Variants in CSMD1 observed in about 807,000 individuals in gnomAD.
The protein encoded by CSMD1 is CUB and Sushi multiple domains 1.
A neutral mutation model predicts 417.5 loss-of-function variants in CSMD1; 213 were observed. The ratio of observed to expected loss-of-function variants is 0.51; its 90% confidence interval spans 0.46 to 0.57. The LOEUF is 0.57. Ranked by LOEUF, CSMD1 falls within the 20% of genes least tolerant of loss-of-function variation. CSMD1 has a pLI of 0.00. For missense variants in CSMD1, 6,923 were observed against 4,529.7 expected (o/e 1.53, Z -15.17); for synonymous variants, 2,862 against 1,736.8 (o/e 1.65, Z -16.11).
At chr8:3,937,473 C>A (rs1006042554) in intron 5 of CSMD1, among the ~76,000 whole-genome samples, 7 of 152,090 alleles carry the variant, frequency 4.6e-5, no homozygotes, top group Admixed American at 1.3e-4. Context: ...TGACGAAAGA[C>A]CTTCCACCAG....
At chr8:3,398,718 CT>C (rs1428462971) in intron 16 of CSMD1, among the ~76,000 whole-genome samples, 2 of 152,072 alleles carry the variant, frequency 1.3e-5, no homozygotes, top group Admixed American at 6.5e-5. Context: ...ATGACAAAAT[CT>C]TTTTAGTTTT....
intron 2 of CSMD1, among the ~76,000 whole-genome samples, chr8:4,633,733 TAC>T (rs1244617294): frequency 6.6e-6 from 1 of 152,098 alleles, no homozygotes; most frequent in Non-Finnish European, 1.5e-5. Context: ...ATTTTTTTTG[TAC>T]TTTTAGTGGA....
intron 1 of CSMD1, among the ~76,000 whole-genome samples, chr8:4,881,312 T>G (rs1415204992): frequency 1.3e-5 from 2 of 152,084 alleles, no homozygotes; most frequent in Non-Finnish European, 2.9e-5. Flanking sequence ...ACAATGCATT[T>G]TTTTATTTGA....
At chr8:3,709,893 A>G (rs7845193) in intron 6 of CSMD1, among the ~76,000 whole-genome samples, 83,970 of 149,016 alleles carry the variant, frequency 0.56, 23,739 homozygotes, top group Admixed American at 0.63. Flanking sequence ...GGAGATTCAT[A>G]TAGATATGAA....
chr8:4,704,404 CT>C (rs1189500486), intron 1 of CSMD1, among the ~76,000 whole-genome samples: 3 of 152,136 alleles, frequency 2.0e-5, no homozygotes, highest in Non-Finnish European at 2.9e-5. Context: ...ATTTACTTAT[CT>C]ATTGTTTATG....
intron 5 of CSMD1, among the ~76,000 whole-genome samples, chr8:3,784,022 C>T (rs1255225491): frequency 6.6e-6 from 1 of 152,182 alleles, no homozygotes; most frequent in Non-Finnish European, 1.5e-5. Context: ...TGTTTATCAT[C>T]GTACAACATG....
intron 3 of CSMD1, among the ~76,000 whole-genome samples, chr8:4,355,104 G>C (rs909930333): frequency 6.6e-6 from 1 of 151,604 alleles, no homozygotes; most frequent in Non-Finnish European, 1.5e-5. Context: ...CTACTAAAAA[G>C]ACAAAAAATT....
intron 3 of CSMD1, among the ~76,000 whole-genome samples, chr8:4,076,948 G>C (rs543418868): frequency 6.6e-6 from 1 of 151,954 alleles, no homozygotes; most frequent in African/African-American, 2.4e-5. Flanking sequence ...TCTTACACAA[G>C]GATAACACTT....
intron 1 of CSMD1, among the ~76,000 whole-genome samples, chr8:4,687,117 C>T (rs531365974): frequency 6.6e-6 from 1 of 152,330 alleles, no homozygotes; most frequent in South Asian, 2.1e-4. Context: ...TAAAAGCTGC[C>T]ATAGCACACA....
At chr8:3,848,888 T>C (rs34633600) in intron 5 of CSMD1, among the ~76,000 whole-genome samples, 65,579 of 151,048 alleles carry the variant, frequency 0.43, 15,500 homozygotes, top group African/African-American at 0.64. Flanking sequence ...TAAAGAGTGA[T>C]ATAAAGAAGA....
chr8:4,468,669 C>G (rs1585127784), intron 2 of CSMD1, among the ~76,000 whole-genome samples: 1 of 152,096 alleles, frequency 6.6e-6, no homozygotes, highest in African/African-American at 2.4e-5. Flanking sequence ...AGATCTCCTC[C>G]CCTGGACTGT....
intron 49 of CSMD1, among the ~76,000 whole-genome samples, chr8:3,056,948 C>G (rs1284099463): frequency 6.6e-6 from 1 of 151,886 alleles, no homozygotes; most frequent in Non-Finnish European, 1.5e-5. Flanking sequence ...AATATTAGTG[C>G]CTGCCATTTG....
intron 4 of CSMD1, among the ~76,000 whole-genome samples, chr8:4,007,844 TAGA>T (rs1029770060): frequency 6.6e-6 from 1 of 152,138 alleles, no homozygotes; most frequent in African/African-American, 2.4e-5. Context: ...TCTCTAAGAA[TAGA>T]AGAAGAAAAG....
chr8:3,712,396 GAGAGACAGAC>G (rs780376131), intron 6 of CSMD1, among the ~76,000 whole-genome samples: 193 of 63,976 alleles, frequency 3.0e-3, no homozygotes, highest in East Asian at 0.017. Context: ...GAGAGAGAGA[GAGAGACAGAC>G]AGACAGACAG....
chr8:4,519,273 T>C (rs1236456334), intron 2 of CSMD1, among the ~76,000 whole-genome samples: 1 of 152,056 alleles, frequency 6.6e-6, no homozygotes, highest in African/African-American at 2.4e-5. Context: ...TTATATGGAA[T>C]CTATAAAATA....
chr8:4,182,527 C>T (rs1798436260), intron 3 of CSMD1, among the ~76,000 whole-genome samples: 1 of 152,092 alleles, frequency 6.6e-6, no homozygotes, highest in Non-Finnish European at 1.5e-5. Flanking sequence ...GCTATATATG[C>T]TCAATCGATA....
chr8:3,649,321 T>C (rs1201070471), intron 7 of CSMD1, among the ~76,000 whole-genome samples: 1 of 152,228 alleles, frequency 6.6e-6, no homozygotes, highest in Non-Finnish European at 1.5e-5. Context: ...CAAATCTACC[T>C]GCATTAAATT....
chr8:4,260,645 A>G (rs1362524120), intron 3 of CSMD1, among the ~76,000 whole-genome samples: 4 of 152,164 alleles, frequency 2.6e-5, no homozygotes, highest in African/African-American at 9.7e-5. Flanking sequence ...AAGTCCTTGT[A>G]ATTGATTTTC....
chr8:4,931,513 T>C (rs1025447121), intron 1 of CSMD1, among the ~76,000 whole-genome samples: 1 of 152,326 alleles, frequency 6.6e-6, no homozygotes, highest in Non-Finnish European at 1.5e-5. Flanking sequence ...TATGTATCCA[T>C]GAACCATCCA....
Sources: gnomAD v4.1 joint callset for allele counts (sites outside exome capture counted in the v4.1 genomes callset) on GRCh38, gnomAD v4.1.1 for gene constraint, MANE v1.5 for transcripts, NCBI Gene and HGNC (gene_info 2026-07-23, HGNC 2026-07-21) for gene names.